RYR1: variants seen among roughly 807,000 people sequenced by gnomAD.
The protein encoded by RYR1 is central core disease of muscle.
RYR1 carries 342 observed loss-of-function variants against 583.5 expected under a neutral mutation model. The ratio of observed to expected loss-of-function variants is 0.59; its 90% confidence interval spans 0.54 to 0.64. The LOEUF (loss-of-function observed/expected upper bound fraction) is 0.64, where lower values mean the gene tolerates loss of function less well. Among genes scored for constraint, RYR1 ranks in the 30% least tolerant of loss-of-function variants. RYR1 has a pLI of 0.00. For missense variants in RYR1, 6,032 were observed against 6,917.2 expected, an observed-to-expected ratio of 0.87 and a Z score of 4.54; for synonymous variants, 2,791 against 2,822.5, an observed-to-expected ratio of 0.99 and a Z score of 0.35.
chr19:38,524,004 C>CT (rs1971348434), intron 70 of RYR1, 75 bp downstream of exon 70: 2 of 1,562,944 alleles, frequency 1.3e-6, no homozygotes, highest in Admixed American at 1.7e-5. Context: ...CACGCCCCCG[C>CT]CTCGAGAAAA....
chr19:38,443,644 C>G lies in RYR1; in HGVS notation c.345+12C>G. The G allele has an allele frequency of 6.2e-7, 1 of 1,614,108 alleles. No homozygotes were observed. The highest frequency in any genetic ancestry group is 1.1e-5 in the South Asian group (1 of 91,082). ...CACACAGCCGCATGGTGAGTGCAAC[C>G]TCGGTGGGCGTGGGCAGGGGCCAGG... is the stretch of plus-strand genomic sequence containing the variant. On this transcript the variant is annotated intron_variant, in intron 4 of 105. Coordinates refer to ENST00000359596, the MANE Select transcript of RYR1 (RefSeq NM_000540.3).
At chr19:38,534,593 G>T (rs1971882801) in intron 78 of RYR1, 127 bp from the exon 79 acceptor site, 1 of 785,686 alleles carries the variant, frequency 1.3e-6, no homozygotes, top group African/African-American at 1.7e-5. Flanking sequence ...GGGATGGAGG[G>T]AGCTCATGGT....
At chr19:38,538,772 G>A (rs939129535) in intron 84 of RYR1, 5 of 152,142 alleles carry the variant, frequency 3.3e-5, no homozygotes, top group Non-Finnish European at 5.9e-5. Context: ...TTTTGTTGTG[G>A]TTCAGCCAAT....
chr19:38,452,231 G>T (rs1967113743), intron 12 of RYR1, among the ~76,000 whole-genome samples: 1 of 151,820 alleles, frequency 6.6e-6, no homozygotes, highest in Non-Finnish European at 1.5e-5. Flanking sequence ...GAGCCCAGGA[G>T]TTCGAGACCA....
chr19:38,506,009 A>G, intron 54 of RYR1, 63 bp downstream of exon 54: 2 of 1,589,338 alleles, frequency 1.3e-6, no homozygotes, highest in Admixed American at 1.7e-5. Context: ...AACAAGGGGC[A>G]TGGCCAGACA....
Position 38,485,860 on chromosome 19 carries a change from G to A in RYR1, c.5205G>A (p.Val1735=). The change falls in exon 34 of 106, where the codon GTG becomes GTA. Residue 1735 remains valine (V), a synonymous_variant. Transcript: ENST00000359596. ...GCTCCATGCTCTCTGAATACATCGTGCCCCTCACGCCTGAGACCCGCGCCA... is the reference window on the plus strand; with the variant it reads ...GCTCCATGCTCTCTGAATACATCGTACCCCTCACGCCTGAGACCCGCGCCA... The part of the protein sequence containing the change: ...SRRSMLSEYI[V]PLTPETRAIT... 2 of 1,613,690 alleles carry A rather than the reference G, an allele frequency of 1.2e-6. No individual in the cohort carries two copies. The highest frequency in any genetic ancestry group is 1.7e-6 in the Non-Finnish European group (2 of 1,179,984).
Position 38,528,773 on chromosome 19 carries a change from A to G in RYR1, c.11034+78A>G, listed in dbSNP as rs531017103. 23 of 1,506,090 alleles carry G rather than the reference A, an allele frequency of 1.5e-5. No individual in the cohort carries two copies. In the East Asian group the frequency reaches 5.0e-4, roughly 33 times the overall value. 93.3% of individuals were successfully genotyped at this position (1,506,090 alleles called of 1,614,324 possible). On this transcript the variant is annotated intron_variant, in intron 75 of 105. Coordinates refer to ENST00000359596, the MANE Select transcript of RYR1 (RefSeq NM_000540.3). ...CGGAGGCCACCCTTGGCACACCTCCAGGGGTCGGCCCTCCACATCAAGGGG... is the reference window on the plus strand; with the variant it reads ...CGGAGGCCACCCTTGGCACACCTCCGGGGGTCGGCCCTCCACATCAAGGGG...
Position 38,512,289 on chromosome 19 carries a change from G to A in RYR1, c.9278G>A (p.Arg3093His), listed in dbSNP as rs1414706865. 15 of 1,614,104 alleles carry A rather than the reference G, an allele frequency of 9.3e-6. No individual in the cohort carries two copies. Among genetic ancestry groups the A allele is most frequent in the South Asian group, 2.2e-5 (2 of 91,094 alleles). The change falls in exon 63 of 106, where the codon CGC (arginine) becomes CAC (histidine). Residue 3093 changes from arginine (R) to histidine (H), a missense_variant. Arg to His is a conservative substitution (Grantham distance 29). Around this residue, in one of 11 missense-constraint regions of RYR1, gnomAD observed 1,493 missense variants for 1,715.5 expected, o/e 0.87. Transcript: ENST00000359596. The surrounding 1 kb of genome is among the most constrained non-coding windows in gnomAD (Gnocchi z 5.1). ...SGPEIVKAGL[R>H]SFFESASEDI... ...CCTGAGATCGTGAAGGCTGGCCTCC[G>A]CTCCTTCTTCGAGAGTGCCTCGGAG... is the stretch of plus-strand genomic sequence containing the variant.
At chr19:38,519,518 T>A in intron 67 of RYR1, 64 bp downstream of exon 67, 1 of 1,535,336 alleles carries the variant, frequency 6.5e-7, no homozygotes, top group South Asian at 1.2e-5. Flanking sequence ...CAGCCCCATC[T>A]GATCTCCGCC....
chr19:38,586,184 A>G lies in RYR1; in HGVS notation c.14962A>G (p.Asn4988Asp). The change falls in exon 104 of 106, where the codon AAT becomes GAT. Residue 4988 changes from asparagine (N) to aspartate (D), a missense_variant. Asn to Asp is a conservative substitution (Grantham distance 23). This residue lies in a region of RYR1 where 189 missense variants were observed against 350.3 expected (regional missense o/e 0.54). Coordinates refer to ENST00000359596, the MANE Select transcript of RYR1 (RefSeq NM_000540.3). Reference protein sequence around the residue: ...THTLEEHNLANYMFFLMYLIN... With the variant: ...THTLEEHNLADYMFFLMYLIN... ...CACGCTGGAGGAGCACAACCTGGCC[A>G]ATTACATGTGAGCAGACACACTGGC... 6.2e-7 allele frequency: 1 copy of G among 1,613,804 alleles called. No homozygotes were observed. Among genetic ancestry groups the G allele is most frequent in the Non-Finnish European group, 8.5e-7 (1 of 1,179,956 alleles).
rs373094407 is a variant in RYR1 at position 38,500,784 on chromosome 19, C to A, written c.7445-37C>A. ...ATGCTGGGGAGGGAGCGGCTGGGTC[C>A]GCAGGGCATCCCCGAACCCACCCTC... On this transcript the variant is annotated intron_variant, in intron 46 of 105. Coordinates refer to ENST00000359596, the MANE Select transcript of RYR1 (RefSeq NM_000540.3). The surrounding 1 kb of genome is among the most constrained non-coding windows in gnomAD (Gnocchi z 5.9). 6.2e-7 allele frequency: 1 copy of A among 1,613,932 alleles called. No individual in the cohort carries two copies. The highest frequency in any genetic ancestry group is 8.5e-7 in the Non-Finnish European group (1 of 1,179,988).
intron 97 of RYR1, among the ~76,000 whole-genome samples, chr19:38,576,312 C>T (rs182442624): frequency 2.0e-5 from 3 of 151,930 alleles, no homozygotes; most frequent in Non-Finnish European, 2.9e-5. Flanking sequence ...AAAATTAGCA[C>T]GGTACCGCAT....
intron 88 of RYR1, among the ~76,000 whole-genome samples, chr19:38,547,568 C>T (rs1159804569): frequency 6.6e-6 from 1 of 152,092 alleles, no homozygotes; most frequent in Non-Finnish European, 1.5e-5. Flanking sequence ...CAAATCCATT[C>T]TCCCCACTTT....
At chr19:38,571,878 C>A in intron 94 of RYR1, 141 bp from the exon 95 acceptor site, 2 of 1,244,726 alleles carry the variant, frequency 1.6e-6, no homozygotes, top group Non-Finnish European at 2.3e-6. Flanking sequence ...CAGCCCTAGG[C>A]CCAACCCTTG....
chr19:38,502,755 G>T (rs768539259), intron 48 of RYR1, 28 bp downstream of exon 48: 1 of 398,306 alleles, frequency 2.5e-6, no homozygotes, highest in African/African-American at 4.8e-5. Flanking sequence ...TCAGGGTGGG[G>T]CAGGGGCAGG....
intron 19 of RYR1, among the ~76,000 whole-genome samples, 185 bp downstream of exon 19, chr19:38,459,523 A>G (rs909768661): frequency 6.6e-6 from 1 of 151,952 alleles, no homozygotes; most frequent in African/African-American, 2.4e-5. Context: ...ACTCTTTCCA[A>G]TGACCTCAGA....
Position 38,565,990 on chromosome 19 carries a change from AAG to A in RYR1, c.13437+223_13437+224del, listed in dbSNP as rs1973405446. 1.3e-5 allele frequency among the ~76,000 whole-genome samples: 2 copies of A among 151,856 alleles called. No homozygotes were observed. The highest frequency in any genetic ancestry group is 2.9e-5 in the Non-Finnish European group (2 of 67,948). ...AGAGGGATACTCAGACCCACAGAGAAAGAGACTCAGAGATGGAGACCTGGAGA... is the reference window on the plus strand; with the variant it reads ...AGAGGGATACTCAGACCCACAGAGAAAGACTCAGAGATGGAGACCTGGAGA... On this transcript the variant is annotated intron_variant, in intron 91 of 105. Transcript: ENST00000359596. The surrounding 1 kb of genome is among the most constrained non-coding windows in gnomAD (Gnocchi z 4.7).
intron 72 of RYR1, 40 bp from the exon 73 acceptor site, chr19:38,527,607 A>G (rs370676565): frequency 2.5e-6 from 4 of 1,612,458 alleles, no homozygotes; most frequent in Non-Finnish European, 3.4e-6. Context: ...CACTGTGGGA[A>G]GGGTCCCTCA....
chr19:38,455,649 G>A lies in RYR1; in HGVS notation c.1689G>A (p.Leu563=), dbSNP rs755832859. The part of the protein sequence containing the change: ...LEASSGILEV[L]YCVLIESPEV... Reference sequence around the variant, plus strand: ...CCCTGGCAGGCATCCTGGAGGTCCTGTACTGTGTCCTCATTGAGAGTCCAG... The same window carrying A: ...CCCTGGCAGGCATCCTGGAGGTCCTATACTGTGTCCTCATTGAGAGTCCAG... The change falls in exon 16 of 106, where the codon CTG becomes CTA. Residue 563 remains leucine, a synonymous_variant. Transcript: ENST00000359596. The A allele has an allele frequency of 3.1e-6, 5 of 1,613,602 alleles. No homozygotes were observed. Among genetic ancestry groups the A allele is most frequent in the South Asian group, 1.1e-5 (1 of 91,076 alleles).
Sources: gnomAD v4.1 joint callset for allele counts (sites outside exome capture counted in the v4.1 genomes callset) on GRCh38, gnomAD v4.1.1 for gene constraint, gnomAD v4.1.1 regional missense constraint, Gnocchi (gnomAD v3.1) non-coding constraint, MANE v1.5 for transcripts, NCBI Gene and HGNC (gene_info 2026-07-23, HGNC 2026-07-21) for gene names.